Variants in KCNIP4 observed in about 807,000 individuals in gnomAD.
KCNIP4 encodes the protein potassium voltage-gated channel interacting protein 4, also known as Kv channel-interacting protein 4.
Under a neutral mutation model 34.0 loss-of-function variants are expected in KCNIP4, and 12 were observed. That is an observed-to-expected ratio of 0.35 (90% CI 0.23 to 0.57). KCNIP4 has a LOEUF of 0.57. Ranked by LOEUF, KCNIP4 falls within the 20% of genes least tolerant of loss-of-function variation. KCNIP4 has a pLI of 0.83. For synonymous variants in KCNIP4, 124 were observed against 102.2 expected (o/e 1.21, Z -1.29); for missense variants, 238 against 311.7 (o/e 0.76, Z 1.78).
At chr4:21,347,770 C>T (rs922203184) in intron 1 of KCNIP4, among the ~76,000 whole-genome samples, 1 of 152,166 alleles carries the variant, frequency 6.6e-6, no homozygotes, top group African/African-American at 2.4e-5. Context: ...ATTCCTTCCT[C>T]TCTTCTCACC....
At chr4:20,828,783 T>A (rs1345638589) in intron 3 of KCNIP4, among the ~76,000 whole-genome samples, 5 of 152,164 alleles carry the variant, frequency 3.3e-5, no homozygotes, top group African/African-American at 1.2e-4. Flanking sequence ...CCTACCTCCA[T>A]ACCTACACAC....
chr4:20,866,423 T>C (rs1198851016), intron 2 of KCNIP4, among the ~76,000 whole-genome samples: 1 of 152,078 alleles, frequency 6.6e-6, no homozygotes, highest in Non-Finnish European at 1.5e-5. Context: ...ATCATCTCTA[T>C]AGACACAGAA....
At chr4:20,765,256 C>A (rs1473743391) in intron 3 of KCNIP4, among the ~76,000 whole-genome samples, 1 of 152,068 alleles carries the variant, frequency 6.6e-6, no homozygotes, top group Non-Finnish European at 1.5e-5. Flanking sequence ...TGCTATCTTG[C>A]CTTCTGGATT....
chr4:21,758,403 CAT>C (rs1717811323), intron 1 of KCNIP4, among the ~76,000 whole-genome samples: 1 of 152,222 alleles, frequency 6.6e-6, no homozygotes, highest in Non-Finnish European at 1.5e-5. Context: ...GTGACCCCCA[CAT>C]GTCTCTTTGA....
chr4:21,730,221 TG>T (rs1715489473), intron 1 of KCNIP4: 1 of 152,106 alleles, frequency 6.6e-6, no homozygotes, highest in African/African-American at 2.4e-5. Context: ...GTGATTAAAT[TG>T]GGAAAGGGAG....
At chr4:21,381,872 G>T (rs1005146311) in intron 1 of KCNIP4, among the ~76,000 whole-genome samples, 2 of 152,114 alleles carry the variant, frequency 1.3e-5, no homozygotes, top group African/African-American at 4.8e-5. Flanking sequence ...AGCGCAAAGA[G>T]ACCCAGTAAC....
chr4:20,999,431 G>GTT (rs1560634221), intron 1 of KCNIP4, among the ~76,000 whole-genome samples: 13 of 31,758 alleles, frequency 4.1e-4, no homozygotes, highest in African/African-American at 2.1e-3. Flanking sequence ...TTTTTTGTTT[G>GTT]TTTTTTGTTT....
At chr4:21,778,261 G>T (rs1303545115) in intron 1 of KCNIP4, among the ~76,000 whole-genome samples, 63 of 80,948 alleles carry the variant, frequency 7.8e-4, no homozygotes, top group African/African-American at 2.4e-3. Context: ...TTGAGACAGG[G>T]TTTCACTCTT....
intron 1 of KCNIP4, among the ~76,000 whole-genome samples, chr4:21,357,736 T>G (rs2109396360): frequency 6.6e-6 from 1 of 152,302 alleles, no homozygotes; most frequent in Non-Finnish European, 1.5e-5. Flanking sequence ...TTAAATTAGT[T>G]CAACCATTGT....
At chr4:21,486,853 G>A (rs932186060) in intron 1 of KCNIP4, among the ~76,000 whole-genome samples, 1 of 151,906 alleles carries the variant, frequency 6.6e-6, no homozygotes, top group Non-Finnish European at 1.5e-5. Flanking sequence ...CACCCAGGCT[G>A]TAGTGCAGAG....
chr4:20,940,510 G>C (rs1731532102), intron 1 of KCNIP4, among the ~76,000 whole-genome samples: 1 of 152,066 alleles, frequency 6.6e-6, no homozygotes, highest in Non-Finnish European at 1.5e-5. Context: ...TGTTTTTCAT[G>C]TTCAGAGATT....
At chr4:20,860,341 T>A (rs540522838) in intron 2 of KCNIP4, among the ~76,000 whole-genome samples, 194 of 152,310 alleles carry the variant, frequency 1.3e-3, no homozygotes, top group Admixed American at 3.5e-3. Flanking sequence ...TTTCACTGTG[T>A]TGATTAGGCT....
At chr4:21,090,225 G>A (rs1746874934) in intron 1 of KCNIP4, among the ~76,000 whole-genome samples, 1 of 152,126 alleles carries the variant, frequency 6.6e-6, no homozygotes, top group Non-Finnish European at 1.5e-5. Flanking sequence ...CATAACGACT[G>A]TTGCTTCCAC....
At chr4:21,763,275 G>A (rs934812833) in intron 1 of KCNIP4, among the ~76,000 whole-genome samples, 8 of 152,096 alleles carry the variant, frequency 5.3e-5, no homozygotes, top group Admixed American at 2.0e-4. Context: ...CATGCCATCC[G>A]GTGCTTATTA....
chr4:20,890,296 T>C (rs188396831), intron 1 of KCNIP4, among the ~76,000 whole-genome samples: 26 of 152,198 alleles, frequency 1.7e-4, no homozygotes, highest in African/African-American at 5.8e-4. Context: ...ATATCAGATA[T>C]GAAGGAGGGA....
At chr4:21,048,884 G>GGAGA (rs143374842) in intron 1 of KCNIP4, among the ~76,000 whole-genome samples, 65 of 147,986 alleles carry the variant, frequency 4.4e-4, no homozygotes, top group Non-Finnish European at 9.0e-4. Flanking sequence ...GATGCTGCAT[G>GGAGA]GAGAGAGAGA....
intron 1 of KCNIP4, among the ~76,000 whole-genome samples, chr4:21,054,137 A>G (rs961893844): frequency 8.5e-5 from 13 of 152,228 alleles, no homozygotes; most frequent in Non-Finnish European, 4.4e-5. Flanking sequence ...GAGGCAAAAG[A>G]TACAGAATAG....
At chr4:21,648,304 A>G (rs1747192382) in intron 1 of KCNIP4, among the ~76,000 whole-genome samples, 2 of 152,198 alleles carry the variant, frequency 1.3e-5, no homozygotes, top group South Asian at 4.1e-4. Context: ...AGTAAGCTGT[A>G]ATGTCACATG....
intron 1 of KCNIP4, among the ~76,000 whole-genome samples, chr4:21,689,740 C>T (rs190423784): frequency 1.2e-4 from 19 of 152,154 alleles, no homozygotes; most frequent in Non-Finnish European, 2.4e-4. Flanking sequence ...TGATATAGAA[C>T]GATGAAATGC....
Sources: gnomAD v4.1 joint callset for allele counts (sites outside exome capture counted in the v4.1 genomes callset) on GRCh38, gnomAD v4.1.1 for gene constraint, MANE v1.5 for transcripts, NCBI Gene and HGNC (gene_info 2026-07-23, HGNC 2026-07-21) for gene names.